RADIL: variants seen among roughly 807,000 people sequenced by gnomAD.
RADIL encodes ras-associating and dilute domain-containing protein.
Under a neutral mutation model 97.6 loss-of-function variants are expected in RADIL, and 99 were observed. The ratio of observed to expected loss-of-function variants is 1.01; its 90% CI spans 0.86 to 1.20. The LOEUF (loss-of-function observed/expected upper bound fraction) is 1.20. Among genes scored for constraint, RADIL ranks in the 50% most tolerant of loss-of-function variants. The probability of loss-of-function intolerance (pLI) is 0.00; values close to 1 mark genes in which losing one functional copy is unlikely to be tolerated. For synonymous variants in RADIL, 803 were observed against 691.8 expected, an observed-to-expected ratio of 1.16 and a Z score of -2.52; for missense variants, 1,765 against 1,498.9, an observed-to-expected ratio of 1.18 and a Z score of -2.93.
At position 4,835,069 on chromosome 7, in the gene RADIL, C is replaced by T. The variant is rs1365404604; in HGVS notation, c.954G>A (p.Glu318=). Residue 318 remains glutamate, a synonymous_variant, in exon 4 of 15, where the codon GAG becomes GAA. Transcript: ENST00000399583. This position sits in a 1 kb window ranked among gnomAD's most constrained non-coding sequence, Gnocchi z 5.8. The part of the protein sequence containing the change: ...SGQAAGRLVL[E]PIPGAHISVN... ...CGGAGATGTGCGCCCCGGGGATGGGCTCCAGGACCAGCCTCCCCGCGGCCT... is the reference window on the plus strand; with the variant it reads ...CGGAGATGTGCGCCCCGGGGATGGGTTCCAGGACCAGCCTCCCCGCGGCCT... 3.1e-6 allele frequency: 5 copies of T among 1,607,838 alleles called. No individual in the cohort carries two copies. The highest frequency in any genetic ancestry group is 1.7e-4 in the Middle Eastern group (1 of 6,056).
chr7:4,880,149 G>C lies in RADIL; in HGVS notation c.-64-1946C>G, dbSNP rs1335534859. The stretch of plus-strand genomic sequence containing the variant: ...GGTGAATTTGCTGTAACAGGTCACG[G>C]AGTTCCCAGTACAGGTCATAAGCAG... On this transcript the variant is annotated intron_variant, in intron 1 of 14. Transcript: ENST00000399583. This position sits in a 1 kb window ranked among gnomAD's most constrained non-coding sequence, Gnocchi z 4.5. Among the ~76,000 whole-genome samples the C allele has an allele frequency of 1.3e-5, 2 of 152,144 alleles. No homozygotes were observed. The highest frequency in any genetic ancestry group is 2.9e-5 in the Non-Finnish European group (2 of 68,044).
At chr7:4,802,671 C>T (rs539738151) in intron 11 of RADIL, among the ~76,000 whole-genome samples, 934 of 107,162 alleles carry the variant, frequency 8.7e-3, no homozygotes, top group African/African-American at 0.025. Context: ...CTGGGGGGCC[C>T]CCTCCCCGGG....
chr7:4,851,190 T>C (rs1305208159), intron 2 of RADIL, among the ~76,000 whole-genome samples: 2 of 135,498 alleles, frequency 1.5e-5, no homozygotes, highest in Non-Finnish European at 3.1e-5. Flanking sequence ...AGAGCAAAAC[T>C]CCGTCTCAAA....
At chr7:4,802,057 C>T in intron 11 of RADIL, 62 bp from the exon 12 acceptor site, 2 of 1,359,296 alleles carry the variant, frequency 1.5e-6, no homozygotes, top group Non-Finnish European at 2.0e-6. Flanking sequence ...AGCACTCGGG[C>T]AACTGGGCAG....
intron 2 of RADIL, chr7:4,860,401 C>T (rs780816657): frequency 1.2e-6 from 2 of 1,613,680 alleles, no homozygotes; most frequent in South Asian, 1.1e-5. Flanking sequence ...TCACTGCTTG[C>T]CTATAAACAG....
chr7:4,869,778 C>A (rs1784211818), intron 2 of RADIL, among the ~76,000 whole-genome samples: 2 of 152,120 alleles, frequency 1.3e-5, no homozygotes, highest in African/African-American at 4.8e-5. Flanking sequence ...ATCCCTCCCA[C>A]CCTTGCTTGT....
Position 4,875,183 on chromosome 7 carries a change from C to T in RADIL, c.535+2422G>A, listed in dbSNP as rs1385190170. Among the ~76,000 whole-genome samples, 7 of 114,534 alleles carry T rather than the reference C, an allele frequency of 6.1e-5. No homozygotes were observed. The East Asian group carries it at 1.7e-3, about 27-fold the overall frequency. The allele number at this position is 114,534 out of a possible 152,430, so 75.1% of individuals were successfully genotyped here. Reference sequence around the variant, plus strand: ...CTCCAGCCTGGGCGACAGAGCGAGACTCCATCTCCAACAACAACAACAACA... The same window carrying T: ...CTCCAGCCTGGGCGACAGAGCGAGATTCCATCTCCAACAACAACAACAACA... On this transcript the variant is annotated intron_variant, in intron 2 of 14. Transcript: ENST00000399583.
In RADIL at chr7:4,799,700, C is replaced by T. The variant is rs199603613; in HGVS notation, c.3052G>A (p.Gly1018Arg). 85 of 1,577,464 alleles carry T rather than the reference C, an allele frequency of 5.4e-5. 1 individual carries two copies. The South Asian group carries it at 6.3e-4, about 12-fold the overall frequency. ...LLPGSPAAAD[G>R]RLSLGDRILE... ...ATACGGTCCCCCAGCGACAGGCGCC[C>T]GTCGGCCGCTGCGGGGCTGCCCGGG... The change falls in exon 14 of 15, where the codon GGG (glycine) becomes AGG (arginine). Residue 1018 changes from glycine to arginine, a missense_variant. By Grantham distance (125) the Gly-to-Arg change is moderately radical. Transcript: ENST00000399583.
intron 2 of RADIL, among the ~76,000 whole-genome samples, chr7:4,871,392 G>A (rs1018581221): frequency 1.3e-5 from 2 of 152,234 alleles, no homozygotes; most frequent in African/African-American, 4.8e-5. Flanking sequence ...AGGCAGCGGC[G>A]CTTCCCGCGT....
intron 2 of RADIL, chr7:4,865,783 A>G (rs1358624550): frequency 9.3e-6 from 9 of 969,926 alleles, no homozygotes; most frequent in Admixed American, 1.7e-5. Flanking sequence ...CTTCACCACA[A>G]GGTTTTTCAC....
chr7:4,841,868 C>T (rs896584564), intron 2 of RADIL, among the ~76,000 whole-genome samples: 2 of 152,162 alleles, frequency 1.3e-5, no homozygotes, highest in Non-Finnish European at 2.9e-5. Context: ...CAAGCCGAGG[C>T]TGATCAACAT....
chr7:4,805,080 C>T (rs1466827698), intron 10 of RADIL, among the ~76,000 whole-genome samples: 1 of 152,018 alleles, frequency 6.6e-6, no homozygotes, highest in East Asian at 1.9e-4. Flanking sequence ...GATGACAGAG[C>T]AAGACTCTTG....
At chr7:4,875,267 G>A (rs1223380275) in intron 2 of RADIL, among the ~76,000 whole-genome samples, 1 of 120,058 alleles carries the variant, frequency 8.3e-6, no homozygotes, top group Non-Finnish European at 1.6e-5. Context: ...GGTGGTGCAT[G>A]CCGTAATCCC....
At position 4,815,308 on chromosome 7, in the gene RADIL, C is replaced by A; in HGVS notation, c.2109G>T (p.Leu703=). 6.4e-7 allele frequency: 1 copy of A among 1,561,130 alleles called. No individual in the cohort carries two copies. Among genetic ancestry groups the A allele is most frequent in the East Asian group, 2.4e-5 (1 of 42,098 alleles). The change falls in exon 9 of 15, where the codon CTG becomes CTT. Residue 703 remains leucine, a synonymous_variant. Coordinates refer to ENST00000399583, the MANE Select transcript of RADIL (RefSeq NM_018059.5). This position sits in a 1 kb window ranked among gnomAD's most constrained non-coding sequence, Gnocchi z 8.0. ...FFQKLSCTLN[L]LATPRAQLIQ... is the part of the protein sequence containing the mutation. ...TGAGCTGGGCCCTGGGTGTGGCCAG[C>A]AGGTTGAGGGTGCAGGAGAGCTTCT...
rs1487796158 is a variant in RADIL, at chr7:4,814,805, G to C, written c.2139+473C>G. Among the ~76,000 whole-genome samples, 2 of 152,176 alleles carry C rather than the reference G, an allele frequency of 1.3e-5. No individual in the cohort carries two copies. The highest frequency in any genetic ancestry group is 4.8e-5 in the African/African-American group (2 of 41,434). Reference sequence around the variant, plus strand: ...TCAGTTCCTGTGGTTGTAGGACTGGGGTCCCGTTTCCAGACTGGCTGTCAG... The same window carrying C: ...TCAGTTCCTGTGGTTGTAGGACTGGCGTCCCGTTTCCAGACTGGCTGTCAG... On this transcript the variant is annotated intron_variant, in intron 9 of 14. Coordinates refer to ENST00000399583, the MANE Select transcript of RADIL (RefSeq NM_018059.5). The surrounding 1 kb of genome is among the most constrained non-coding windows in gnomAD (Gnocchi z 4.5).
At position 4,822,903 on chromosome 7, in the gene RADIL, G is replaced by T. The variant is rs1562437433; in HGVS notation, c.1455-349C>A. Reference sequence around the variant, plus strand: ...AGAATGTGTGCCAATATGTGTGTGTGTGCGTGTATGCGTGCATGGGGGTGG... The same window carrying T: ...AGAATGTGTGCCAATATGTGTGTGTTTGCGTGTATGCGTGCATGGGGGTGG... On this transcript the variant is annotated intron_variant, in intron 5 of 14. Coordinates refer to ENST00000399583, the MANE Select transcript of RADIL (RefSeq NM_018059.5). This position sits in a 1 kb window ranked among gnomAD's most constrained non-coding sequence, Gnocchi z 5.3. 6.6e-6 allele frequency among the ~76,000 whole-genome samples: 1 copy of T among 152,274 alleles called. No individual in the cohort carries two copies. Among genetic ancestry groups the T allele is most frequent in the South Asian group, 2.1e-4 (1 of 4,822 alleles).
rs73050359 is a variant in RADIL, at chr7:4,824,616, G to A, written c.1455-2062C>T. On this transcript the variant is annotated intron_variant, in intron 5 of 14. Coordinates refer to ENST00000399583, the MANE Select transcript of RADIL (RefSeq NM_018059.5). This position sits in a 1 kb window ranked among gnomAD's most constrained non-coding sequence, Gnocchi z 6.7. ...CACAAACAATGTTGACCTCTCTCGC[G>A]TGCACACACCCGGGGAGGGAAGAAA... is the stretch of plus-strand genomic sequence containing the variant. Among the ~76,000 whole-genome samples the A allele has an allele frequency of 0.042, 6,345 of 152,234 alleles. 158 individuals carry two copies. Among genetic ancestry groups the A allele is most frequent in the Middle Eastern group, 0.1 (30 of 294 alleles).
intron 2 of RADIL, among the ~76,000 whole-genome samples, chr7:4,875,392 C>CAA (rs1318111005): frequency 2.2e-5 from 3 of 138,486 alleles, no homozygotes; most frequent in African/African-American, 5.3e-5. Context: ...GACTCCATCT[C>CAA]AAAAAAAAAA....
chr7:4,801,966 G>T lies in RADIL; in HGVS notation c.2529C>A (p.His843Gln), dbSNP rs1453318827. Residue 843 changes from histidine to glutamine, a missense_variant, in exon 12 of 15, where the codon CAC becomes CAA. By Grantham distance (24) the His-to-Gln change is conservative. Transcript: ENST00000399583. The stretch of plus-strand genomic sequence containing the variant: ...CCAGGGGGCAGCTCGGGGCCTCCAG[G>T]TGCCCGTCAAGGACCACGTGGTGCA... ...EGMHHVVLDG[H>Q]LEAPSCPLAP... is the part of the protein sequence containing the mutation. The T allele has an allele frequency of 7.1e-6, 11 of 1,551,648 alleles. No individual in the cohort carries two copies. The highest frequency in any genetic ancestry group is 6.1e-5 in the South Asian group (5 of 82,586).
Sources: gnomAD v4.1 joint callset for allele counts (sites outside exome capture counted in the v4.1 genomes callset) on GRCh38, gnomAD v4.1.1 for gene constraint, Gnocchi (gnomAD v3.1) non-coding constraint, MANE v1.5 for transcripts, NCBI Gene and HGNC (gene_info 2026-07-23, HGNC 2026-07-21) for gene names.